TCP11L2: variants seen among roughly 807,000 people sequenced by gnomAD.
TCP11L2 encodes t-complex 11 like 2.
In TCP11L2, 39 loss-of-function variants were observed where a neutral mutation model predicts 50.7. The observed-to-expected ratio is 0.77, with a 90% CI of 0.60 to 1.01. The LOEUF is 1.01. TCP11L2 is among the 50% of genes least tolerant of loss of function. TCP11L2 has a pLI of 0.00. For synonymous variants in TCP11L2, 192 were observed against 219.3 expected (o/e 0.88, Z 1.10); for missense variants, 612 against 614.7 (o/e 1.00, Z 0.05).
At chr12:106,299,694 G>A (rs1032780282), upstream of TCP11L2, among the ~76,000 whole-genome samples, 4 of 152,162 alleles carry the variant, frequency 2.6e-5, no homozygotes, top group Non-Finnish European at 4.4e-5. Flanking sequence ...CCCATAGAGA[G>A]AAATAGGGGA....
At chr12:106,302,414 GCTCCCCCA>G (rs1167904622), upstream of TCP11L2, among the ~76,000 whole-genome samples, 105 of 123,718 alleles carry the variant, frequency 8.5e-4, 4 homozygotes, top group Admixed American at 2.4e-3. Context: ...CTCAGCCCCC[GCTCCCCCA>G]CTCGGCCCCG....
At chr12:106,302,330 AGCCCC>A, upstream of TCP11L2, among the ~76,000 whole-genome samples, 2 of 7,424 alleles carry the variant, frequency 2.7e-4, 1 homozygote, top group South Asian at 9.7e-3. Flanking sequence ...CCCCCCGCTC[AGCCCC>A]CGCTCAGCCC....
upstream of TCP11L2, among the ~76,000 whole-genome samples, chr12:106,302,616 G>A (rs915325157): frequency 5.9e-5 from 9 of 151,674 alleles, no homozygotes; most frequent in African/African-American, 1.7e-4. Context: ...CGGCCTCTCT[G>A]GTTCAAACTG....
At chr12:106,299,198 C>G (rs1449538223), upstream of TCP11L2, among the ~76,000 whole-genome samples, 2 of 152,024 alleles carry the variant, frequency 1.3e-5, no homozygotes, top group Non-Finnish European at 2.9e-5. Context: ...TAAGGAAGAC[C>G]ATGAGGTCAA....
intron 3 of TCP11L2, among the ~76,000 whole-genome samples, chr12:106,315,404 G>A (rs2035038986): frequency 1.3e-5 from 2 of 152,106 alleles, no homozygotes; most frequent in Non-Finnish European, 2.9e-5. Flanking sequence ...AGCCCTTGCT[G>A]CCTCCTTTTT....
chr12:106,341,393 G>A (rs936089741), intron 9 of TCP11L2, among the ~76,000 whole-genome samples: 1 of 152,196 alleles, frequency 6.6e-6, no homozygotes, highest in Non-Finnish European at 1.5e-5. Context: ...GACTAAAAAT[G>A]TGTGGATCCG....
chr12:106,328,604 A>C (rs1470993688), intron 6 of TCP11L2, among the ~76,000 whole-genome samples: 4 of 152,180 alleles, frequency 2.6e-5, no homozygotes, highest in Admixed American at 2.6e-4. Flanking sequence ...AGGTCTCCCA[A>C]ATCCAAGTCC....
chr12:106,339,398 T>TTG (rs1361947353), intron 8 of TCP11L2, among the ~76,000 whole-genome samples: 4 of 152,198 alleles, frequency 2.6e-5, no homozygotes, highest in Admixed American at 2.6e-4. Flanking sequence ...GAATGCATAG[T>TTG]TTGCAAATAT....
Position 106,334,940 on chromosome 12 carries a change from TA to T in TCP11L2, c.773-690del, listed in dbSNP as rs746865273. ...TGGGTGACAGAGTGAGACCCCGTCT[TA>T]AAAAAAAAGAAAAGAAAGAAAATAA... On this transcript the variant is annotated intron_variant, in intron 6 of 9. Coordinates refer to ENST00000299045, the MANE Select transcript of TCP11L2 (RefSeq NM_152772.3). Among the ~76,000 whole-genome samples the T allele has an allele frequency of 8.6e-5, 13 of 150,620 alleles. No individual in the cohort carries two copies. In the South Asian group the frequency reaches 2.5e-3, roughly 29 times the overall value.
At chr12:106,307,164 T>C (rs2034664900) in intron 1 of TCP11L2, 1 of 152,264 alleles carries the variant, frequency 6.6e-6, no homozygotes, top group East Asian at 1.9e-4. Context: ...AATAAATATT[T>C]GAATGCTTGC....
At chr12:106,320,669 A>G (rs924463366) in intron 4 of TCP11L2, among the ~76,000 whole-genome samples, 1 of 152,318 alleles carries the variant, frequency 6.6e-6, no homozygotes, top group Non-Finnish European at 1.5e-5. Context: ...CTGCCATGGT[A>G]GGCTCCTGCC....
intron 9 of TCP11L2, among the ~76,000 whole-genome samples, 173 bp from the exon 10 acceptor site, chr12:106,346,113 T>C (rs1284028628): frequency 6.6e-6 from 1 of 152,144 alleles, no homozygotes; most frequent in Non-Finnish European, 1.5e-5. Context: ...AAAAACACAC[T>C]CCAGCTTTGA....
chr12:106,303,764 A>G (rs1484596277), intron 1 of TCP11L2: 1 of 152,238 alleles, frequency 6.6e-6, no homozygotes, highest in Non-Finnish European at 1.5e-5. Flanking sequence ...GTTTCCTTTT[A>G]AAATAAATAT....
Position 106,323,544 on chromosome 12 carries a change from G to A in TCP11L2, c.670G>A (p.Asp224Asn). 6 of 1,608,058 alleles carry A rather than the reference G, an allele frequency of 3.7e-6. No homozygotes were observed. Among genetic ancestry groups the A allele is most frequent in the Non-Finnish European group, 3.4e-6 (4 of 1,176,950 alleles). Residue 224 changes from aspartate to asparagine, a missense_variant, in exon 6 of 10, where the codon GAC becomes AAC. Coordinates refer to ENST00000299045, the MANE Select transcript of TCP11L2 (RefSeq NM_152772.3). ...IFHVLDLMQM[D>N]MANFTIMSLR... ...CCATGTCCTGGACCTCATGCAAATG[G>A]ACATGGCCAATTTTACAATTATGAG...
chr12:106,312,265 T>G, intron 2 of TCP11L2: 1 of 395,966 alleles, frequency 2.5e-6, no homozygotes, highest in Non-Finnish European at 4.7e-6. Flanking sequence ...CCATTTTTTT[T>G]TTTTTTTTTT....
intron 3 of TCP11L2, among the ~76,000 whole-genome samples, chr12:106,317,786 G>C (rs1592943205): frequency 6.6e-6 from 1 of 152,312 alleles, no homozygotes; most frequent in East Asian, 1.9e-4. Context: ...CCTATTTTAA[G>C]GGATTGACAT....
upstream of TCP11L2, among the ~76,000 whole-genome samples, chr12:106,302,405 TCAG>T (rs563170657): frequency 6.4e-4 from 31 of 48,384 alleles, 6 homozygotes; most frequent in African/African-American, 3.0e-3. Flanking sequence ...CAGCCCCCGC[TCAG>T]CCCCCGCTCC....
chr12:106,338,368 A>G (rs777465128), intron 8 of TCP11L2, among the ~76,000 whole-genome samples: 1 of 152,032 alleles, frequency 6.6e-6, no homozygotes, highest in Admixed American at 6.5e-5. Context: ...CTTTATGTCC[A>G]TGTTTACTCA....
intron 6 of TCP11L2, chr12:106,324,619 G>A (rs1238814245): frequency 6.6e-6 from 1 of 152,220 alleles, no homozygotes; most frequent in Admixed American, 6.5e-5. Context: ...TACCAATTAG[G>A]TGGTATTACA....
Sources: gnomAD v4.1 joint callset for allele counts (sites outside exome capture counted in the v4.1 genomes callset) on GRCh38, gnomAD v4.1.1 for gene constraint, MANE v1.5 for transcripts, NCBI Gene and HGNC (gene_info 2026-07-23, HGNC 2026-07-21) for gene names.